The following PFKFB4 variants were observed in gnomAD, a reference collection of about 807,000 sequenced individuals.
PFKFB4 encodes the protein 6-phosphofructo-2-kinase/fructose-2,6-biphosphatase 4.
Under a neutral mutation model 62.8 loss-of-function variants are expected in PFKFB4, and 42 were observed. The ratio of observed to expected loss-of-function variants is 0.67; its 90% confidence interval spans 0.52 to 0.86. PFKFB4 has a LOEUF of 0.86. Ranked by LOEUF, PFKFB4 falls within the 40% of genes least tolerant of loss-of-function variation. PFKFB4 has a pLI of 0.00. For missense variants in PFKFB4, 475 were observed against 627.2 expected, an observed-to-expected ratio of 0.76 and a Z score of 2.59; for synonymous variants, 204 against 240.7, an observed-to-expected ratio of 0.85 and a Z score of 1.41.
At chr3:48,550,047 G>T in intron 2 of PFKFB4, 71 bp downstream of exon 2, 1 of 1,417,500 alleles carries the variant, frequency 7.1e-7, no homozygotes, top group Non-Finnish European at 1.0e-6. Context: ...AAATAATAGA[G>T]AATAGGCCTT....
chr3:48,546,614 C>T (rs1359859295), intron 3 of PFKFB4, among the ~76,000 whole-genome samples: 1 of 152,214 alleles, frequency 6.6e-6, no homozygotes, highest in Non-Finnish European at 1.5e-5. Flanking sequence ...GAAAGGCCTG[C>T]TTGTGAGGTT....
chr3:48,538,725 G>A, intron 6 of PFKFB4, 106 bp from the exon 7 acceptor site: 1 of 1,431,680 alleles, frequency 7.0e-7, no homozygotes, highest in South Asian at 1.2e-5. Context: ...TTGCACCGGA[G>A]ACCAGTGCGG....
chr3:48,561,183 T>C, upstream of PFKFB4: 2 of 874,078 alleles, frequency 2.3e-6, no homozygotes, highest in Non-Finnish European at 3.1e-6. This position sits in a 1 kb window ranked among gnomAD's most constrained non-coding sequence, Gnocchi z 5.2. Context: ...CGCCTAGCAC[T>C]CTGAAGAGAG....
At chr3:48,562,420 T>TGGGGCACCCAGACATAGCAAGAC (rs540408291), upstream of PFKFB4, 16 of 274,350 alleles carry the variant, frequency 5.8e-5, no homozygotes, top group East Asian at 1.1e-3. This position sits in a 1 kb window ranked among gnomAD's most constrained non-coding sequence, Gnocchi z 4.3. Context: ...TCTGTGACTA[T>TGGGGCACCCAGACATAGCAAGAC]GGGGCACCCA....
At chr3:48,527,837 G>A (rs1170407988) in intron 9 of PFKFB4, among the ~76,000 whole-genome samples, 1 of 151,920 alleles carries the variant, frequency 6.6e-6, no homozygotes, top group Non-Finnish European at 1.5e-5. Context: ...ACAGGCACAG[G>A]CCACCATGGC....
intron 9 of PFKFB4, among the ~76,000 whole-genome samples, chr3:48,528,947 A>T (rs936837745): frequency 1.4e-4 from 21 of 152,200 alleles, no homozygotes; most frequent in African/African-American, 4.3e-4. Flanking sequence ...ATCTGGGGTG[A>T]TGAAATGTTC....
chr3:48,561,169 A>C (rs1575410749), upstream of PFKFB4: 2 of 1,030,082 alleles, frequency 1.9e-6, no homozygotes, highest in Non-Finnish European at 2.6e-6. The surrounding 1 kb of genome is among the most constrained non-coding windows in gnomAD (Gnocchi z 5.2). Flanking sequence ...GAGTGGGGTA[A>C]CCCCGCCTAG....
intron 8 of PFKFB4, 76 bp downstream of exon 8, chr3:48,536,180 C>G: frequency 7.7e-7 from 1 of 1,292,276 alleles, no homozygotes; most frequent in Non-Finnish European, 1.1e-6. Context: ...CCCCAGCGCA[C>G]TCACACATGC....
chr3:48,539,819 G>A, intron 4 of PFKFB4, 48 bp from the exon 5 acceptor site: 1 of 1,509,690 alleles, frequency 6.6e-7, no homozygotes, highest in East Asian at 2.3e-5. Context: ...GGGGAAGGAA[G>A]GGGCCAGAGT....
Position 48,536,242 on chromosome 3 carries a change from A to T in PFKFB4, c.840+14T>A, listed in dbSNP as rs748911151. On this transcript the variant is annotated intron_variant, in intron 8 of 13. Transcript: ENST00000232375. The stretch of plus-strand genomic sequence containing the variant: ...TGCAGGCCCGTGTGCGCACGCAGGG[A>T]CACATGCACTGACCTCCCTGCCCCG... 2 of 1,608,568 alleles carry T rather than the reference A, an allele frequency of 1.2e-6. No homozygotes were observed. The highest frequency in any genetic ancestry group is 4.5e-5 in the East Asian group (2 of 44,776).
rs953095489 is a variant in PFKFB4 at position 48,517,759 on chromosome 3, T to C, written c.*1988A>G. On this transcript the variant is annotated 3_prime_UTR_variant, in exon 14 of 14. Coordinates refer to ENST00000232375, the MANE Select transcript of PFKFB4 (RefSeq NM_004567.4). ...TGTGGCTGAGATTCAATACCATCCA[T>C]TCTGGGGAACTCGGGAAAATATCTG... 1.3e-5 allele frequency: 2 copies of C among 152,718 alleles called. No individual in the cohort carries two copies. The highest frequency in any genetic ancestry group is 4.8e-5 in the African/African-American group (2 of 41,476). The allele number at this position is 152,718 out of a possible 1,614,324, so 9.5% of individuals were successfully genotyped here. A position where few individuals can be genotyped will look rare whatever the true frequency, so the allele number is the denominator to read the frequency against.
chr3:48,526,659 G>C (rs1043448044), intron 9 of PFKFB4, among the ~76,000 whole-genome samples: 1 of 151,768 alleles, frequency 6.6e-6, no homozygotes, highest in Non-Finnish European at 1.5e-5. Context: ...ACGCCATGTA[G>C]GCCGGGCACA....
At position 48,536,267 on chromosome 3, in the gene PFKFB4, G is replaced by C. The variant is rs192763004; in HGVS notation, c.829C>G (p.Arg277Gly). The change falls in exon 8 of 14, where the codon CGG becomes GGG. Residue 277 changes from arginine to glycine, a missense_variant. Transcript: ENST00000232375. ...ACACATGCACTGACCTCCCTGCCCC[G>C]AGGGGACAGTCCTGGGTCCCCGCCA... ...RIGGDPGLSP[R>G]GREFAKSLAQ... is the part of the protein sequence containing the mutation. 5 of 1,613,376 alleles carry C rather than the reference G, an allele frequency of 3.1e-6. No homozygotes were observed. The highest frequency in any genetic ancestry group is 1.3e-5 in the African/African-American group (1 of 74,916).
At chr3:48,548,456 C>T (rs1440335477) in intron 3 of PFKFB4, 2 of 151,974 alleles carry the variant, frequency 1.3e-5, no homozygotes, top group Non-Finnish European at 2.9e-5. Flanking sequence ...AGTGAGACTC[C>T]ATCACACACA....
At chr3:48,557,038 G>T, upstream of PFKFB4, 1 of 1,192,240 alleles carries the variant, frequency 8.4e-7, no homozygotes, top group Non-Finnish European at 1.1e-6. Context: ...GATCGAGAAT[G>T]CGCATGCTCA....
intron 4 of PFKFB4, 52 bp downstream of exon 4, chr3:48,543,528 T>A (rs1016668371): frequency 1.3e-6 from 2 of 1,497,096 alleles, no homozygotes; most frequent in African/African-American, 1.4e-5. Context: ...GGCACAGATG[T>A]GGATGGGCTC....
chr3:48,550,307 G>A, intron 1 of PFKFB4, 73 bp from the exon 2 acceptor site: 1 of 964,106 alleles, frequency 1.0e-6, no homozygotes, highest in South Asian at 1.3e-5. Flanking sequence ...TCAGCCTGTG[G>A]TCTCTCAGCC....
chr3:48,555,653 G>A (rs142119888), intron 1 of PFKFB4, among the ~76,000 whole-genome samples: 124 of 152,208 alleles, frequency 8.1e-4, no homozygotes, highest in Non-Finnish European at 1.4e-3. Flanking sequence ...TCAACACTTC[G>A]GAAGGCCGAG....
chr3:48,544,020 A>AT (rs1477268164), intron 3 of PFKFB4, among the ~76,000 whole-genome samples: 2 of 71,962 alleles, frequency 2.8e-5, no homozygotes, highest in African/African-American at 1.1e-4. Flanking sequence ...TTATTTATTT[A>AT]TTTATTTTTT....
Sources: gnomAD v4.1 joint callset for allele counts (sites outside exome capture counted in the v4.1 genomes callset) on GRCh38, gnomAD v4.1.1 for gene constraint, Gnocchi (gnomAD v3.1) non-coding constraint, MANE v1.5 for transcripts, NCBI Gene and HGNC (gene_info 2026-07-23, HGNC 2026-07-21) for gene names.